The following BCAS3 variants were observed in gnomAD, a reference collection of about 807,000 sequenced individuals.
BCAS3 encodes the protein BCAS4/BCAS3 fusion.
In BCAS3, 53 loss-of-function variants were observed where a neutral mutation model predicts 116.1. The observed-to-expected ratio is 0.46, with a 90% CI of 0.37 to 0.57. The LOEUF (loss-of-function observed/expected upper bound fraction) is 0.57, where lower values mean the gene tolerates loss of function less well. Ranked by LOEUF, BCAS3 falls within the 20% of genes least tolerant of loss-of-function variation. The probability of loss-of-function intolerance (pLI) is 0.00; values close to 1 mark genes in which losing one functional copy is unlikely to be tolerated. For synonymous variants in BCAS3, 391 were observed against 408.2 expected (o/e 0.96, Z 0.51); for missense variants, 917 against 1,165.4 (o/e 0.79, Z 3.10).
At chr17:61,312,135 G>C (rs1350824822) in intron 22 of BCAS3, among the ~76,000 whole-genome samples, 3 of 152,188 alleles carry the variant, frequency 2.0e-5, no homozygotes, top group Non-Finnish European at 2.9e-5. Context: ...ACTGGCCCTT[G>C]CCGAGTCCCA....
intron 22 of BCAS3, among the ~76,000 whole-genome samples, chr17:61,293,396 A>G (rs2052618940): frequency 1.3e-5 from 2 of 152,188 alleles, no homozygotes; most frequent in Admixed American, 1.3e-4. Flanking sequence ...CCAGTTTGAA[A>G]ATCATTCTCA....
rs1351221416 is a variant in BCAS3, at chr17:61,361,220, CG to C, written c.2426-7105del. Among the ~76,000 whole-genome samples the C allele has an allele frequency of 6.6e-6, 1 of 151,278 alleles. No individual in the cohort carries two copies. The highest frequency in any genetic ancestry group is 1.5e-5 in the Non-Finnish European group (1 of 67,882). ...AAAAAAAAAAAAGAAAAGACCCAGA[CG>C]GAGTAGCAACTTGCCCAGAGTAACC... On this transcript the variant is annotated intron_variant, in intron 22 of 23. Coordinates refer to ENST00000407086, the MANE Select transcript of BCAS3 (RefSeq NM_017679.5). The surrounding 1 kb of genome is among the most constrained non-coding windows in gnomAD (Gnocchi z 6.5).
intron 22 of BCAS3, among the ~76,000 whole-genome samples, chr17:61,274,708 C>G (rs1340839106): frequency 6.6e-6 from 1 of 152,194 alleles, no homozygotes; most frequent in Non-Finnish European, 1.5e-5. Flanking sequence ...GATGTCCACT[C>G]TCACCACTGC....
At chr17:60,835,965 T>C (rs1264313499) in intron 7 of BCAS3, among the ~76,000 whole-genome samples, 1 of 152,192 alleles carries the variant, frequency 6.6e-6, no homozygotes, top group Admixed American at 6.5e-5. Context: ...TTTAGACTTT[T>C]AAATGAATTT....
rs1171368447 is a variant in BCAS3, at chr17:61,139,497, G to C, written c.2425+54933G>C. ...GCACACATCATCTGGGCTCAGTGCG[G>C]GCTTTGTTTATAGCAGAAGCCATAA... On this transcript the variant is annotated intron_variant, in intron 22 of 23. Transcript: ENST00000407086. This position sits in a 1 kb window ranked among gnomAD's most constrained non-coding sequence, Gnocchi z 4.7. 2.6e-5 allele frequency among the ~76,000 whole-genome samples: 4 copies of C among 152,188 alleles called. No homozygotes were observed. The highest frequency in any genetic ancestry group is 9.7e-5 in the African/African-American group (4 of 41,448).
At chr17:61,133,313 A>C (rs1283827910) in intron 22 of BCAS3, among the ~76,000 whole-genome samples, 1 of 152,194 alleles carries the variant, frequency 6.6e-6, no homozygotes, top group Non-Finnish European at 1.5e-5. Context: ...GTTTCTATTG[A>C]GGTTGGGTCC....
Position 61,355,451 on chromosome 17 carries a change from C to G in BCAS3, c.2426-12876C>G, listed in dbSNP as rs2058089544. On this transcript the variant is annotated intron_variant, in intron 22 of 23. Transcript: ENST00000407086. The surrounding 1 kb of genome is among the most constrained non-coding windows in gnomAD (Gnocchi z 4.2). ...AATGGAAAGACTGAGCTGAAAACCC[C>G]CTCGCTGGCACTCCAGCCATATTTT... 6.6e-6 allele frequency among the ~76,000 whole-genome samples: 1 copy of G among 151,324 alleles called. No individual in the cohort carries two copies. The highest frequency in any genetic ancestry group is 2.1e-4 in the South Asian group (1 of 4,720).
chr17:61,116,266 A>AAATAAATC (rs148232098), intron 22 of BCAS3, among the ~76,000 whole-genome samples: 25 of 151,302 alleles, frequency 1.7e-4, no homozygotes, highest in Middle Eastern at 3.4e-3. Context: ...ATAAATAAAT[A>AAATAAATC]AATAAATAAA....
intron 5 of BCAS3, among the ~76,000 whole-genome samples, chr17:60,728,777 T>TA (rs1466830214): frequency 6.6e-6 from 1 of 152,172 alleles, no homozygotes; most frequent in African/African-American, 2.4e-5. Flanking sequence ...CCACACCCGA[T>TA]AATATCTTTT....
chr17:60,732,064 C>T (rs1333548254), intron 5 of BCAS3, among the ~76,000 whole-genome samples: 5 of 152,038 alleles, frequency 3.3e-5, no homozygotes, highest in Admixed American at 6.6e-5. Flanking sequence ...TGTGAGCCAC[C>T]GCGCCCGGCC....
Position 60,701,801 on chromosome 17 carries a change from A to C in BCAS3, c.215-7418A>C, listed in dbSNP as rs575345741. On this transcript the variant is annotated intron_variant, in intron 4 of 23. Coordinates refer to ENST00000407086, the MANE Select transcript of BCAS3 (RefSeq NM_017679.5). Reference sequence around the variant, plus strand: ...GTGGTGACACTCCATCTCTACTAAAAATACAAAAAAAAAAAAAAAAGAAAA... The same window carrying C: ...GTGGTGACACTCCATCTCTACTAAACATACAAAAAAAAAAAAAAAAGAAAA... 1.3e-3 allele frequency among the ~76,000 whole-genome samples: 190 copies of C among 145,238 alleles called. 1 individual carries two copies. The highest frequency in any genetic ancestry group is 4.9e-3 in the African/African-American group (179 of 36,722).
rs1022012766 is a variant in BCAS3, at chr17:60,784,112, C to G, written c.404-23892C>G. Among the ~76,000 whole-genome samples the G allele has an allele frequency of 7.2e-5, 11 of 152,070 alleles. No homozygotes were observed. In the South Asian group the frequency reaches 2.3e-3, roughly 32 times the overall value. On this transcript the variant is annotated intron_variant, in intron 6 of 23. Transcript: ENST00000407086. ...TTAAATAATGCAGTCCAAGCATGTA[C>G]TGTATCTAAGTTAAAAAACTCTTAT...
chr17:61,053,818 G>C (rs543497758), intron 19 of BCAS3, among the ~76,000 whole-genome samples: 1 of 152,292 alleles, frequency 6.6e-6, no homozygotes, highest in East Asian at 1.9e-4. Context: ...CTCTCTCCAG[G>C]TCTGAAAATC....
chr17:60,875,897 T>G (rs1292284178), intron 9 of BCAS3, among the ~76,000 whole-genome samples: 1 of 152,070 alleles, frequency 6.6e-6, no homozygotes, highest in Non-Finnish European at 1.5e-5. Flanking sequence ...TTATCTAGTT[T>G]CAACAACTAT....
intron 22 of BCAS3, among the ~76,000 whole-genome samples, chr17:61,127,056 A>C (rs900476780): frequency 6.6e-6 from 1 of 152,162 alleles, no homozygotes; most frequent in African/African-American, 2.4e-5. Context: ...AAGAGAGAAA[A>C]AAAAGGATAC....
intron 22 of BCAS3, among the ~76,000 whole-genome samples, chr17:61,193,467 T>C (rs1244583897): frequency 6.6e-6 from 1 of 151,956 alleles, no homozygotes; most frequent in Non-Finnish European, 1.5e-5. Flanking sequence ...GATATAAGAC[T>C]GAATTTTTGG....
intron 19 of BCAS3, among the ~76,000 whole-genome samples, chr17:61,067,286 T>A (rs1256357106): frequency 8.4e-6 from 1 of 118,786 alleles, no homozygotes; most frequent in African/African-American, 3.5e-5. Context: ...TATATATATA[T>A]ATATATATAT....
rs560879557 is a variant in BCAS3, at chr17:61,385,518, G to A, written c.2594-6459G>A. Among the ~76,000 whole-genome samples the A allele has an allele frequency of 3.3e-5, 5 of 152,318 alleles. No individual in the cohort carries two copies. The East Asian group carries it at 9.6e-4, about 29-fold the overall frequency. On this transcript the variant is annotated intron_variant, in intron 23 of 23. Coordinates refer to ENST00000407086, the MANE Select transcript of BCAS3 (RefSeq NM_017679.5). ...TCAAGGGAAAATGCAGAAAATGCCC[G>A]ACCTCCTAATGAGAGGACCTCCCCT... is the stretch of plus-strand genomic sequence containing the variant.
chr17:60,802,826 A>G (rs1417271719), intron 6 of BCAS3, among the ~76,000 whole-genome samples: 4 of 152,082 alleles, frequency 2.6e-5, no homozygotes, highest in African/African-American at 9.7e-5. Context: ...ATGGGGTTTC[A>G]CCACATTGGC....
Sources: allele counts gnomAD v4.1 joint callset (sites outside exome capture counted in the v4.1 genomes callset), GRCh38; gene constraint gnomAD v4.1.1; non-coding constraint Gnocchi (gnomAD v3.1); transcripts MANE v1.5; gene names NCBI Gene and HGNC (gene_info 2026-07-23, HGNC 2026-07-21).